SRRT: variants seen among roughly 807,000 people sequenced by gnomAD.
SRRT encodes the protein serrate RNA effector molecule homolog.
In SRRT, 32 loss-of-function variants were observed where a neutral mutation model predicts 103.2. The observed-to-expected ratio is 0.31, with a 90% CI of 0.23 to 0.42. SRRT has a LOEUF of 0.42. Among genes scored for constraint, SRRT ranks in the 10% least tolerant of loss-of-function variants. SRRT has a pLI of 1.00. For synonymous variants in SRRT, 525 were observed against 449.0 expected, an observed-to-expected ratio of 1.17 and a Z score of -2.14; for missense variants, 986 against 1,207.5, an observed-to-expected ratio of 0.82 and a Z score of 2.72.
At position 100,884,211 on chromosome 7, in the gene SRRT, T is replaced by A. The variant is rs1563018495; in HGVS notation, c.729T>A (p.Ala243=). The change falls in exon 6 of 20, where the codon GCT becomes GCA. Residue 243 remains alanine, a synonymous_variant. Coordinates refer to ENST00000611405, the MANE Select transcript of SRRT (RefSeq NM_015908.6). ...FDNLLLDIDK[A]DAIVKMLDAA... ...ACCTTCTCCTGGACATAGACAAAGC[T>A]GATGCCATTGTCAAGATGCTGGATG... 1 of 1,614,176 alleles carries A rather than the reference T, an allele frequency of 6.2e-7. No individual in the cohort carries two copies. The highest frequency in any genetic ancestry group is 8.5e-7 in the Non-Finnish European group (1 of 1,180,030).
rs778518682 is a variant in SRRT at position 100,882,638 on chromosome 7, G to A, written c.587+397G>A. 1.3e-4 allele frequency: 21 copies of A among 164,360 alleles called. No individual in the cohort carries two copies. The highest frequency in any genetic ancestry group is 2.0e-4 in the Non-Finnish European group (15 of 76,266). 10.2% of individuals were successfully genotyped at this position (164,360 alleles called of 1,614,324 possible). On this transcript the variant is annotated intron_variant, in intron 5 of 19. Coordinates refer to ENST00000611405, the MANE Select transcript of SRRT (RefSeq NM_015908.6). This position sits in a 1 kb window ranked among gnomAD's most constrained non-coding sequence, Gnocchi z 4.2. ...GACAAGAAAAGCAAAGATCTCGGTC[G>A]TTTGACAGAAAAAGAATTTTAATTT...
chr7:100,877,461 C>T (rs1356392860), intron 2 of SRRT, among the ~76,000 whole-genome samples: 1 of 145,088 alleles, frequency 6.9e-6, no homozygotes, highest in Non-Finnish European at 1.5e-5. Context: ...ATCAATGATT[C>T]TTGATGAAAG....
At chr7:100,881,117 A>C (rs1816264595) in intron 2 of SRRT, among the ~76,000 whole-genome samples, 168 bp from the exon 3 acceptor site, 1 of 109,818 alleles carries the variant, frequency 9.1e-6, no homozygotes, top group South Asian at 3.1e-4. Context: ...AAAAATAAAA[A>C]ATTTTTTGTA....
Position 100,882,337 on chromosome 7 carries a change from C to G in SRRT, c.587+96C>G. Reference sequence around the variant, plus strand: ...CTGTCCTCTTCCCAGTTTTCCCTGTCCAGAACTTTCTGGGGGCGGGGGTCG... The same window carrying G: ...CTGTCCTCTTCCCAGTTTTCCCTGTGCAGAACTTTCTGGGGGCGGGGGTCG... On this transcript the variant is annotated intron_variant, in intron 5 of 19. Coordinates refer to ENST00000611405, the MANE Select transcript of SRRT (RefSeq NM_015908.6). The surrounding 1 kb of genome is among the most constrained non-coding windows in gnomAD (Gnocchi z 4.2). 6.4e-6 allele frequency: 9 copies of G among 1,406,294 alleles called. No homozygotes were observed. The highest frequency in any genetic ancestry group is 1.4e-5 in the South Asian group (1 of 73,436). 87.1% of individuals were successfully genotyped at this position (1,406,294 alleles called of 1,614,324 possible).
rs749989142 is a variant in SRRT, at chr7:100,887,535, C to T, written c.2169+22C>T. 6.2e-7 allele frequency: 1 copy of T among 1,610,482 alleles called. No homozygotes were observed. The highest frequency in any genetic ancestry group is 1.7e-5 in the Admixed American group (1 of 59,870). On this transcript the variant is annotated intron_variant, in intron 16 of 19. Coordinates refer to ENST00000611405, the MANE Select transcript of SRRT (RefSeq NM_015908.6). The surrounding 1 kb of genome is among the most constrained non-coding windows in gnomAD (Gnocchi z 4.1). ...CAAGGTGTGGGATGTTGGAGAATGG[C>T]CGTGCTACGGTGGTGGGAGGTGGGG...
chr7:100,886,089 C>T (rs1790068335), intron 12 of SRRT, 148 bp downstream of exon 12: 4 of 1,269,228 alleles, frequency 3.2e-6, no homozygotes, highest in Non-Finnish European at 4.4e-6. Context: ...GGGCAAGGCT[C>T]TAGGGCGTTA....
Position 100,887,589 on chromosome 7 carries a change from T to G in SRRT, c.2169+76T>G, listed in dbSNP as rs1584759782. The stretch of plus-strand genomic sequence containing the variant: ...AGACAGGAAGCCCCCTGGGCAGGGG[T>G]GGGGGAACTGCTTACTGCACTGGCA... On this transcript the variant is annotated intron_variant, in intron 16 of 19. Coordinates refer to ENST00000611405, the MANE Select transcript of SRRT (RefSeq NM_015908.6). The surrounding 1 kb of genome is among the most constrained non-coding windows in gnomAD (Gnocchi z 4.1). 1 of 1,582,926 alleles carries G rather than the reference T, an allele frequency of 6.3e-7. No individual in the cohort carries two copies. The highest frequency in any genetic ancestry group is 8.6e-7 in the Non-Finnish European group (1 of 1,162,418).
chr7:100,888,098 C>T lies in SRRT; in HGVS notation c.2383C>T (p.Leu795=). The change falls in exon 18 of 20, where the codon CTG becomes TTG. Residue 795 remains leucine, a synonymous_variant. Coordinates refer to ENST00000611405, the MANE Select transcript of SRRT (RefSeq NM_015908.6). The part of the protein sequence containing the change: ...LPYPHQTPQG[L]MPYGQPRPPI... ...CTACCCACACCAGACTCCCCAGGGC[C>T]TGATGCCCTATGGTCAGCCCCGGCC... is the stretch of plus-strand genomic sequence containing the variant. The T allele has an allele frequency of 2.5e-6, 4 of 1,610,570 alleles. No individual in the cohort carries two copies. Among genetic ancestry groups the T allele is most frequent in the Non-Finnish European group, 3.4e-6 (4 of 1,178,112 alleles).
rs976862581 is a variant in SRRT at position 100,880,791 on chromosome 7, G to A, written c.123-494G>A. 35 of 354,624 alleles carry A rather than the reference G, an allele frequency of 9.9e-5. 1 individual carries two copies. The highest frequency in any genetic ancestry group is 6.9e-4 in the South Asian group (35 of 50,580). The allele number at this position is 354,624 out of a possible 1,614,324, so 22.0% of individuals were successfully genotyped here. On this transcript the variant is annotated intron_variant, in intron 2 of 19. Coordinates refer to ENST00000611405, the MANE Select transcript of SRRT (RefSeq NM_015908.6). The stretch of plus-strand genomic sequence containing the variant: ...GCCCGTAAGTGGGCCTGTAGCAGGG[G>A]TGATTCATGTGGGTCTGGAGCACAG...
In SRRT at chr7:100,882,095, C is replaced by G. The variant is rs566339699; in HGVS notation, c.441C>G (p.Pro147=). 8.7e-6 allele frequency: 14 copies of G among 1,614,010 alleles called. No homozygotes were observed. The highest frequency in any genetic ancestry group is 1.1e-5 in the Non-Finnish European group (13 of 1,179,994). Residue 147 remains proline, a synonymous_variant, in exon 5 of 20, where the codon CCC becomes CCG. Transcript: ENST00000611405. The surrounding 1 kb of genome is among the most constrained non-coding windows in gnomAD (Gnocchi z 4.2). ...IAEIDLGVPP[P]VMKTFKEFLL... ...AGATTGACCTGGGTGTGCCGCCGCC[C>G]GTGATGAAGACCTTCAAGGAGTTTC...
In SRRT at chr7:100,887,704, G is replaced by C. The variant is rs2115907229; in HGVS notation, c.2171G>C (p.Gly724Ala). 1 of 1,608,320 alleles carries C rather than the reference G, an allele frequency of 6.2e-7. No individual in the cohort carries two copies. The highest frequency in any genetic ancestry group is 2.2e-5 in the East Asian group (1 of 44,660). Residue 724 changes from glycine (G) to alanine (A), a missense_variant and splice_region_variant, in exon 17 of 20, where the codon GGT becomes GCT. Gly to Ala is a moderately conservative substitution (Grantham distance 60). Coordinates refer to ENST00000611405, the MANE Select transcript of SRRT (RefSeq NM_015908.6). The surrounding 1 kb of genome is among the most constrained non-coding windows in gnomAD (Gnocchi z 4.1). ...GACCCCTCTCCTCTCTCCACCCAGGGTCCTGAGTTTGTGCGCAAACATATC... is the reference window on the plus strand; with the variant it reads ...GACCCCTCTCCTCTCTCCACCCAGGCTCCTGAGTTTGTGCGCAAACATATC... ...LCPLSGKKFK[G>A]PEFVRKHIFN... is the part of the protein sequence containing the mutation.
rs768147202 is a variant in SRRT at position 100,885,310 on chromosome 7, G to A, written c.1257G>A (p.Lys419=). ...AGTGCAAGCCGCGGCCGCTGCATAA[G>A]ACCTGCTCCCTCTTCATGCGCAACA... ...GLECKPRPLH[K]TCSLFMRNIA... Residue 419 remains lysine (K), a synonymous_variant, in exon 10 of 20, where the codon AAG becomes AAA. Coordinates refer to ENST00000611405, the MANE Select transcript of SRRT (RefSeq NM_015908.6). This position sits in a 1 kb window ranked among gnomAD's most constrained non-coding sequence, Gnocchi z 4.8. 1 of 1,614,190 alleles carries A rather than the reference G, an allele frequency of 6.2e-7. No homozygotes were observed. Among genetic ancestry groups the A allele is most frequent in the South Asian group, 1.1e-5 (1 of 91,088 alleles).
At position 100,882,607 on chromosome 7, in the gene SRRT, A is replaced by G. The variant is rs1447827354; in HGVS notation, c.587+366A>G. 5.4e-6 allele frequency: 1 copy of G among 183,552 alleles called. No homozygotes were observed. The highest frequency in any genetic ancestry group is 1.1e-5 in the Non-Finnish European group (1 of 89,108). The allele number at this position is 183,552 out of a possible 1,614,324, so 11.4% of individuals were successfully genotyped here. ...TGGCGTCCTCCTAAAGCGACGAGTG[A>G]ATCCAGACAAGAAAAGCAAAGATCT... On this transcript the variant is annotated intron_variant, in intron 5 of 19. Transcript: ENST00000611405. The surrounding 1 kb of genome is among the most constrained non-coding windows in gnomAD (Gnocchi z 4.2).
intron 3 of SRRT, 40 bp downstream of exon 3, chr7:100,881,453 G>A (rs1484634021): frequency 1.9e-6 from 3 of 1,600,386 alleles, no homozygotes; most frequent in African/African-American, 2.7e-5. Context: ...CTTTGCCTCA[G>A]TTCCACCTGG....
chr7:100,875,479 G>A (rs1815581330), intron 1 of SRRT, 94 bp from the exon 2 acceptor site: 2 of 1,569,632 alleles, frequency 1.3e-6, no homozygotes, highest in Middle Eastern at 1.7e-4. Flanking sequence ...GGCTGGCCTT[G>A]GCGGGAGGGA....
In SRRT at chr7:100,887,029, C is replaced by G. The variant is rs375662358; in HGVS notation, c.1822-18C>G. 14 of 1,613,202 alleles carry G rather than the reference C, an allele frequency of 8.7e-6. No individual in the cohort carries two copies. Among genetic ancestry groups the G allele is most frequent in the African/African-American group, 2.7e-5 (2 of 74,926 alleles). On this transcript the variant is annotated intron_variant, in intron 14 of 19. Coordinates refer to ENST00000611405, the MANE Select transcript of SRRT (RefSeq NM_015908.6). The surrounding 1 kb of genome is among the most constrained non-coding windows in gnomAD (Gnocchi z 4.1). The stretch of plus-strand genomic sequence containing the variant: ...GCGGTGAGGGCAGGAGCTGAACGCT[C>G]GCATTCACTTCCCTTAGGTCTTGGA...
chr7:100,884,852 G>C lies in SRRT; in HGVS notation c.1041+14G>C, dbSNP rs1789933001. ...GAAGCCAAAAAGGTGAGGTGTCTGT[G>C]GCCTGGGGTCAGAGTGTTGGGGCTG... is the stretch of plus-strand genomic sequence containing the variant. On this transcript the variant is annotated intron_variant, in intron 8 of 19. Coordinates refer to ENST00000611405, the MANE Select transcript of SRRT (RefSeq NM_015908.6). 1.2e-6 allele frequency: 2 copies of C among 1,613,828 alleles called. No individual in the cohort carries two copies. Among genetic ancestry groups the C allele is most frequent in the South Asian group, 2.2e-5 (2 of 91,056 alleles).
rs1350973947 is a variant in SRRT at position 100,875,632 on chromosome 7, C to T, written c.42C>T (p.Asp14=). Residue 14 remains aspartate (D), a synonymous_variant, in exon 2 of 20, where the codon GAC becomes GAT. Transcript: ENST00000611405. ...SDDEYDRRRR[D]KFRRERSDYD... ...ACGAGTACGATCGAAGGCGCAGGGACAAGTTCAGAAGAGAGCGCAGCGACT... is the reference window on the plus strand; with the variant it reads ...ACGAGTACGATCGAAGGCGCAGGGATAAGTTCAGAAGAGAGCGCAGCGACT... The T allele has an allele frequency of 6.2e-7, 1 of 1,614,114 alleles. No individual in the cohort carries two copies. The highest frequency in any genetic ancestry group is 1.1e-5 in the South Asian group (1 of 91,090).
In SRRT at chr7:100,888,265, G is replaced by A; in HGVS notation, c.2437G>A (p.Val813Ile). 6.2e-7 allele frequency: 1 copy of A among 1,608,414 alleles called. No homozygotes were observed. The highest frequency in any genetic ancestry group is 8.5e-7 in the Non-Finnish European group (1 of 1,175,832). The change falls in exon 19 of 20, where the codon GTC becomes ATC. Residue 813 changes from valine (V) to isoleucine (I), a missense_variant. Val to Ile is a conservative substitution (Grantham distance 29). Coordinates refer to ENST00000611405, the MANE Select transcript of SRRT (RefSeq NM_015908.6). ...PPILGYGAGAVRPAVPTGGPP... is the reference protein window; with the variant it reads ...PPILGYGAGAIRPAVPTGGPP... ...ACTGATCTCTGTCATAGCTGGTGCT[G>A]TCCGCCCTGCAGTCCCCACAGGAGG...
Sources: gnomAD v4.1 joint callset for allele counts (sites outside exome capture counted in the v4.1 genomes callset) on GRCh38, gnomAD v4.1.1 for gene constraint, Gnocchi (gnomAD v3.1) non-coding constraint, MANE v1.5 for transcripts, NCBI Gene and HGNC (gene_info 2026-07-23, HGNC 2026-07-21) for gene names.